COL25A1: variants seen among roughly 807,000 people sequenced by gnomAD.
COL25A1 encodes collagen type XXV alpha 1 chain, also known as collagen alpha-1(XXV) chain.
A neutral mutation model predicts 128.4 loss-of-function variants in COL25A1; 103 were observed. The observed-to-expected ratio is 0.80, with a 90% CI of 0.68 to 0.94. The LOEUF is 0.94. Ranked by LOEUF, COL25A1 falls within the 40% of genes least tolerant of loss-of-function variation. The probability of loss-of-function intolerance (pLI) is 0.00; values close to 1 mark genes in which losing one functional copy is unlikely to be tolerated. For missense variants in COL25A1, 745 were observed against 840.0 expected, an observed-to-expected ratio of 0.89 and a Z score of 1.40; for synonymous variants, 279 against 277.2, an observed-to-expected ratio of 1.01 and a Z score of -0.06.
chr4:108,861,548 C>T (rs999297763), intron 22 of COL25A1, among the ~76,000 whole-genome samples: 2 of 152,182 alleles, frequency 1.3e-5, no homozygotes, highest in African/African-American at 4.8e-5. Flanking sequence ...CCAGCTGGAA[C>T]AGGTTGGCAG....
Position 108,941,452 on chromosome 4 carries a change from G to T in COL25A1, c.493-15C>A. 1 of 1,607,912 alleles carries T rather than the reference G, an allele frequency of 6.2e-7. No individual in the cohort carries two copies. Among genetic ancestry groups the T allele is most frequent in the Non-Finnish European group, 8.5e-7 (1 of 1,174,406 alleles). ...GGAAACACCATCTGATCAGTCAGTT[G>T]AGGTCAAAGGTTGAAGTTCAGAGAT... On this transcript the variant is annotated splice_polypyrimidine_tract_variant and intron_variant, in intron 8 of 37. Transcript: ENST00000399132.
At chr4:109,069,679 G>T (rs1762750425) in intron 3 of COL25A1, among the ~76,000 whole-genome samples, 1 of 152,154 alleles carries the variant, frequency 6.6e-6, no homozygotes, top group African/African-American at 2.4e-5. Context: ...ATTGGGACGT[G>T]CAGTGCAAGC....
intron 3 of COL25A1, among the ~76,000 whole-genome samples, chr4:109,234,614 C>T (rs1413095923): frequency 6.6e-6 from 1 of 152,038 alleles, no homozygotes; most frequent in Non-Finnish European, 1.5e-5. Flanking sequence ...ATAAAGCCAC[C>T]AAAGAAGCAC....
chr4:108,875,720 C>A (rs1244828997), intron 19 of COL25A1, among the ~76,000 whole-genome samples: 2 of 151,976 alleles, frequency 1.3e-5, no homozygotes, highest in East Asian at 1.9e-4. Context: ...GGGTATATAC[C>A]CAAAAGATTA....
intron 3 of COL25A1, among the ~76,000 whole-genome samples, chr4:109,216,940 T>G (rs1055711796): frequency 2.0e-5 from 3 of 152,148 alleles, no homozygotes; most frequent in Non-Finnish European, 4.4e-5. Flanking sequence ...CAAAGCTGGT[T>G]GTAGAACAAT....
intron 6 of COL25A1, among the ~76,000 whole-genome samples, chr4:108,984,173 G>C (rs181024871): frequency 9.5e-4 from 145 of 152,310 alleles, no homozygotes; most frequent in Middle Eastern, 6.8e-3. Flanking sequence ...GTTGATTGGT[G>C]CATTCACAAA....
chr4:108,840,548 C>A (rs1734330553), intron 31 of COL25A1, among the ~76,000 whole-genome samples: 1 of 152,170 alleles, frequency 6.6e-6, no homozygotes, highest in African/African-American at 2.4e-5. Flanking sequence ...AGACCAATAC[C>A]TGCCACCACT....
At chr4:108,825,568 G>A (rs1732275444) in intron 33 of COL25A1, among the ~76,000 whole-genome samples, 1 of 152,054 alleles carries the variant, frequency 6.6e-6, no homozygotes, top group African/African-American at 2.4e-5. Flanking sequence ...GATATATTGG[G>A]TTAAATAGAC....
chr4:109,112,729 A>C (rs1234993711), intron 3 of COL25A1, among the ~76,000 whole-genome samples: 1 of 152,164 alleles, frequency 6.6e-6, no homozygotes, highest in Non-Finnish European at 1.5e-5. Flanking sequence ...TTGTATAATT[A>C]CAGAGCAAAG....
chr4:109,212,506 C>T (rs1356704849), intron 3 of COL25A1, among the ~76,000 whole-genome samples: 2 of 152,152 alleles, frequency 1.3e-5, no homozygotes, highest in Non-Finnish European at 2.9e-5. Context: ...CATGACATCA[C>T]TTCTGCCACA....
At chr4:108,846,686 G>C (rs779086016) in intron 27 of COL25A1, among the ~76,000 whole-genome samples, 1 of 152,076 alleles carries the variant, frequency 6.6e-6, no homozygotes, top group African/African-American at 2.4e-5. Flanking sequence ...GTCACAATGA[G>C]TTTTCAATGG....
At chr4:108,906,133 G>T (rs540349811) in intron 13 of COL25A1, among the ~76,000 whole-genome samples, 1 of 152,206 alleles carries the variant, frequency 6.6e-6, no homozygotes, top group African/African-American at 2.4e-5. Context: ...ATCTCATTCA[G>T]AATAAGAGCC....
At chr4:109,151,830 C>T (rs1771532797) in intron 3 of COL25A1, among the ~76,000 whole-genome samples, 2 of 152,088 alleles carry the variant, frequency 1.3e-5, no homozygotes, top group Admixed American at 6.5e-5. Context: ...GCAATATAGG[C>T]CAAGAATAAA....
In COL25A1 at chr4:109,114,436, A is replaced by T. The variant is rs374573729; in HGVS notation, c.368-64257T>A. Among the ~76,000 whole-genome samples the T allele has an allele frequency of 5.9e-5, 9 of 152,188 alleles. 1 individual carries two copies. Among genetic ancestry groups the T allele is most frequent in the African/African-American group, 1.9e-4 (8 of 41,556 alleles). On this transcript the variant is annotated intron_variant, in intron 3 of 37. Transcript: ENST00000399132. Reference sequence around the variant, plus strand: ...CTTGAGGGAGATGACAGAATCAAAAAGAGCCTTCTCAAAGGATCTGACATC... The same window carrying T: ...CTTGAGGGAGATGACAGAATCAAAATGAGCCTTCTCAAAGGATCTGACATC...
intron 3 of COL25A1, among the ~76,000 whole-genome samples, chr4:109,212,650 TGTGGAGGAAA>T (rs1248704039): frequency 6.6e-6 from 1 of 152,104 alleles, no homozygotes; most frequent in Non-Finnish European, 1.5e-5. Context: ...CACAAATGAC[TGTGGAGGAAA>T]GTGGAAAGCC....
chr4:108,844,593 G>C, intron 29 of COL25A1, 24 bp from the exon 30 acceptor site: 1 of 1,606,010 alleles, frequency 6.2e-7, no homozygotes, highest in Non-Finnish European at 8.5e-7. Context: ...AAATAAAAAT[G>C]TATTTGGTTA....
intron 3 of COL25A1, among the ~76,000 whole-genome samples, chr4:109,117,919 TAAAAA>T (rs963125464): frequency 6.0e-5 from 9 of 150,218 alleles, no homozygotes; most frequent in African/African-American, 2.2e-4. Context: ...AAGATAAAAA[TAAAAA>T]AGAAGTATAA....
chr4:108,995,832 G>T (rs1228266382), intron 6 of COL25A1, among the ~76,000 whole-genome samples: 1 of 152,124 alleles, frequency 6.6e-6, no homozygotes, highest in Non-Finnish European at 1.5e-5. Context: ...TTAAAGAAAA[G>T]AATTTTCAAC....
In COL25A1 at chr4:108,845,230, C is replaced by T; in HGVS notation, c.1537G>A (p.Glu513Lys). 6.2e-7 allele frequency: 1 copy of T among 1,613,894 alleles called. No homozygotes were observed. The highest frequency in any genetic ancestry group is 8.5e-7 in the Non-Finnish European group (1 of 1,179,748). Residue 513 changes from glutamate to lysine, a missense_variant, in exon 29 of 38, where the codon GAA becomes AAA. Transcript: ENST00000399132. Reference protein sequence around the residue: ...GLPGANGMKGEKGDSGMPGPQ... With the variant: ...GLPGANGMKGKKGDSGMPGPQ... ...CCCGGCATTCCAGAATCTCCTTTTT[C>T]TCCTTTCATTCCATTGGCTCCCTAT...
Sources: gnomAD v4.1 joint callset for allele counts (sites outside exome capture counted in the v4.1 genomes callset) on GRCh38, gnomAD v4.1.1 for gene constraint, MANE v1.5 for transcripts, NCBI Gene and HGNC (gene_info 2026-07-23, HGNC 2026-07-21) for gene names.